The following RPH3AL variants were observed in gnomAD, a reference collection of about 807,000 sequenced individuals.
RPH3AL encodes the protein rabphilin 3A like (without C2 domains).
In RPH3AL, 38 loss-of-function variants were observed where a neutral mutation model predicts 43.1. The observed-to-expected ratio is 0.88, with a 90% CI of 0.68 to 1.15. The LOEUF is 1.15. Ranked by LOEUF, RPH3AL falls within the 50% of genes most tolerant of loss-of-function variation. The probability of loss-of-function intolerance (pLI) is 0.00; values close to 1 mark genes in which losing one functional copy is unlikely to be tolerated. For synonymous variants in RPH3AL, 189 were observed against 176.3 expected (o/e 1.07, Z -0.57); for missense variants, 462 against 423.2 (o/e 1.09, Z -0.81).
intron 9 of RPH3AL, 118 bp from the exon 10 acceptor site, chr17:214,041 C>CTGACAGCATCCGTGCCTCAGCCCGAGG (rs1433092444): frequency 9.5e-6 from 7 of 734,372 alleles, no homozygotes; most frequent in Non-Finnish European, 1.6e-5. Context: ...CAGGCTTCTG[C>CTGACAGCATCCGTGCCTCAGCCCGAGG]TGACAGCATC....
intron 5 of RPH3AL, among the ~76,000 whole-genome samples, chr17:282,538 G>T (rs1469100903): frequency 6.6e-6 from 1 of 152,188 alleles, no homozygotes; most frequent in African/African-American, 2.4e-5. Context: ...CTGGGCCATC[G>T]AAGACCCCAC....
intron 7 of RPH3AL, among the ~76,000 whole-genome samples, chr17:242,157 G>C (rs890155941): frequency 6.6e-6 from 1 of 152,080 alleles, no homozygotes; most frequent in Non-Finnish European, 1.5e-5. Context: ...TTTAAAGGAG[G>C]AAGAAAAAGG....
Position 230,931 on chromosome 17 carries a change from C to A in RPH3AL, c.614-11195G>T, listed in dbSNP as rs552300329. ...GAACTCCTGGGCTCCAGGGATCCAC[C>A]CGCCTTGGCCTCCCGAAGTGCTGGG... is the stretch of plus-strand genomic sequence containing the variant. On this transcript the variant is annotated intron_variant, in intron 7 of 9. Coordinates refer to ENST00000331302, the MANE Select transcript of RPH3AL (RefSeq NM_006987.4). Among the ~76,000 whole-genome samples the A allele has an allele frequency of 5.3e-5, 8 of 152,304 alleles. No individual in the cohort carries two copies. In the East Asian group the frequency reaches 1.5e-3, roughly 29 times the overall value.
intron 5 of RPH3AL, among the ~76,000 whole-genome samples, chr17:318,466 A>G (rs2044364392): frequency 6.6e-6 from 1 of 152,186 alleles, no homozygotes; most frequent in South Asian, 2.1e-4. Flanking sequence ...AAAAAAGAGG[A>G]AGACATGGTG....
chr17:321,185 G>A, intron 4 of RPH3AL, 87 bp downstream of exon 4: 1 of 1,486,888 alleles, frequency 6.7e-7, no homozygotes, highest in Non-Finnish European at 9.1e-7. Context: ...GCAAAACCAG[G>A]ACCCGGAGTG....
intron 5 of RPH3AL, among the ~76,000 whole-genome samples, chr17:314,541 T>C (rs748006507): frequency 0.082 from 10,065 of 122,478 alleles, 722 homozygotes; most frequent in African/African-American, 0.21. Context: ...TCCACCTCCA[T>C]TGACCTGTAG....
At position 316,284 on chromosome 17, in the gene RPH3AL, G is replaced by A. The variant is rs1282714473; in HGVS notation, c.351+3136C>T. Among the ~76,000 whole-genome samples, 12 of 97,232 alleles carry A rather than the reference G, an allele frequency of 1.2e-4. 2 individuals carry two copies. Among genetic ancestry groups the A allele is most frequent in the Non-Finnish European group, 4.0e-5 (2 of 50,028 alleles). The allele number at this position is 97,232 out of a possible 152,430, so 63.8% of individuals were successfully genotyped here. ...CCTGTGACTCCATCTCCAGTGATGC[G>A]TAGTCTCTGTGCTCCACCTCCATTG... On this transcript the variant is annotated intron_variant, in intron 5 of 9. Transcript: ENST00000331302.
intron 3 of RPH3AL, among the ~76,000 whole-genome samples, chr17:325,081 G>A (rs2044587928): frequency 6.6e-6 from 1 of 151,692 alleles, no homozygotes; most frequent in Non-Finnish European, 1.5e-5. Context: ...CTGGTCTTGA[G>A]AACTCCTGGC....
chr17:222,141 G>A (rs1159346835), intron 7 of RPH3AL, among the ~76,000 whole-genome samples: 2 of 152,050 alleles, frequency 1.3e-5, no homozygotes, highest in African/African-American at 4.8e-5. Context: ...TGTGGGGACA[G>A]TCAGAGCTGA....
chr17:307,280 CCCGCGGCAGGTCCAT>C (rs2043520453), intron 5 of RPH3AL, among the ~76,000 whole-genome samples: 1 of 111,946 alleles, frequency 8.9e-6, no homozygotes, highest in African/African-American at 3.8e-5. Flanking sequence ...GCAGGTCCAT[CCCGCGGCAGGTCCAT>C]CCCACGGCAG....
intron 3 of RPH3AL, 146 bp downstream of exon 3, chr17:327,321 C>T (rs2151708602): frequency 1.4e-6 from 1 of 695,432 alleles, no homozygotes; most frequent in South Asian, 1.7e-5. Context: ...TGGCTGTGTC[C>T]AGGGCCTGGA....
Position 233,302 on chromosome 17 carries a change from G to A in RPH3AL, c.614-13566C>T, listed in dbSNP as rs181603230. ...CCTTGGATTTAGACCTGTAAGACACGACCGCTGGGAGAGAACAGACTCTGT... is the reference window on the plus strand; with the variant it reads ...CCTTGGATTTAGACCTGTAAGACACAACCGCTGGGAGAGAACAGACTCTGT... On this transcript the variant is annotated intron_variant, in intron 7 of 9. Coordinates refer to ENST00000331302, the MANE Select transcript of RPH3AL (RefSeq NM_006987.4). Among the ~76,000 whole-genome samples the A allele has an allele frequency of 1.1e-4, 16 of 152,192 alleles. No homozygotes were observed. In the East Asian group the frequency reaches 1.9e-3, roughly 18 times the overall value.
At chr17:248,401 C>G (rs911588537) in intron 6 of RPH3AL, among the ~76,000 whole-genome samples, 1 of 152,182 alleles carries the variant, frequency 6.6e-6, no homozygotes. Flanking sequence ...CCTCTTGACC[C>G]TATGTAGTCC....
At chr17:350,261 C>T (rs368290220) in intron 1 of RPH3AL, among the ~76,000 whole-genome samples, 8 of 152,070 alleles carry the variant, frequency 5.3e-5, no homozygotes, top group East Asian at 1.9e-4. Context: ...CTGAGGCAGA[C>T]GGATCACAAC....
At position 328,486 on chromosome 17, in the gene RPH3AL, C is replaced by T. The variant is rs570213061; in HGVS notation, c.-36-907G>A. ...TTAAAAAAGATCCAGGTTCGAAATC[C>T]GTTTGACACTTCCTCAAAATGTTGA... On this transcript the variant is annotated intron_variant, in intron 2 of 9. Coordinates refer to ENST00000331302, the MANE Select transcript of RPH3AL (RefSeq NM_006987.4). This position sits in a 1 kb window ranked among gnomAD's most constrained non-coding sequence, Gnocchi z 4.2. 6.6e-6 allele frequency among the ~76,000 whole-genome samples: 1 copy of T among 151,844 alleles called. No individual in the cohort carries two copies. Among genetic ancestry groups the T allele is most frequent in the South Asian group, 2.1e-4 (1 of 4,788 alleles).
At chr17:237,062 G>A (rs75676352) in intron 7 of RPH3AL, among the ~76,000 whole-genome samples, 13,856 of 152,208 alleles carry the variant, frequency 0.091, 777 homozygotes, top group Admixed American at 0.13. Context: ...AGTACAGCTC[G>A]GAGGGACTCA....
rs76949076 is a variant in RPH3AL at position 231,922 on chromosome 17, G to A, written c.614-12186C>T. On this transcript the variant is annotated intron_variant, in intron 7 of 9. Coordinates refer to ENST00000331302, the MANE Select transcript of RPH3AL (RefSeq NM_006987.4). The stretch of plus-strand genomic sequence containing the variant: ...CCTCTAAGCCAGCGAGGAGGCCCAC[G>A]ACAGGCAGGTGGGCTGCTGGGGGAA... Among the ~76,000 whole-genome samples the A allele has an allele frequency of 3.8e-3, 584 of 152,372 alleles. 3 individuals carry two copies. The highest frequency in any genetic ancestry group is 0.013 in the African/African-American group (550 of 41,588).
At chr17:281,680 C>G in intron 6 of RPH3AL, 88 bp downstream of exon 6, 1 of 670,992 alleles carries the variant, frequency 1.5e-6, no homozygotes, top group Non-Finnish European at 2.7e-6. Context: ...CCAGCCCTCC[C>G]CACCGTCACC....
intron 5 of RPH3AL, among the ~76,000 whole-genome samples, chr17:291,344 A>G (rs2043044018): frequency 6.6e-6 from 1 of 152,190 alleles, no homozygotes; most frequent in Non-Finnish European, 1.5e-5. Context: ...GTTCAAGACC[A>G]GCCTGGGCAA....
Sources: gnomAD v4.1 joint callset for allele counts (sites outside exome capture counted in the v4.1 genomes callset) on GRCh38, gnomAD v4.1.1 for gene constraint, Gnocchi (gnomAD v3.1) non-coding constraint, MANE v1.5 for transcripts, NCBI Gene and HGNC (gene_info 2026-07-23, HGNC 2026-07-21) for gene names.